The following FAM107B variants were observed in gnomAD, a reference collection of about 807,000 sequenced individuals.
FAM107B encodes the protein protein FAM107B.
FAM107B carries 21 observed loss-of-function variants against 31.5 expected under a neutral mutation model. The ratio of observed to expected loss-of-function variants is 0.67; its 90% CI spans 0.47 to 0.96. FAM107B has a LOEUF of 0.96. Ranked by LOEUF, FAM107B falls within the 40% of genes least tolerant of loss-of-function variation. The pLI is 0.00. For synonymous variants in FAM107B, 157 were observed against 141.5 expected (o/e 1.11, Z -0.78); for missense variants, 452 against 377.1 (o/e 1.20, Z -1.64).
intron 1 of FAM107B, among the ~76,000 whole-genome samples, chr10:14,722,674 T>A (rs1362754067): frequency 6.6e-6 from 1 of 152,216 alleles, no homozygotes. Flanking sequence ...GATCTTTTTA[T>A]TGTTAAGTTG....
At chr10:14,771,617 CAAATAA>C (rs916712435) in intron 1 of FAM107B, among the ~76,000 whole-genome samples, 10 of 151,318 alleles carry the variant, frequency 6.6e-5, no homozygotes, top group African/African-American at 2.5e-4. Flanking sequence ...AAAATAACAA[CAAATAA>C]AAATAAATTA....
At chr10:14,767,053 T>TATATATATAGAGAGAG (rs1833187253) in intron 1 of FAM107B, among the ~76,000 whole-genome samples, 1 of 26,406 alleles carries the variant, frequency 3.8e-5, no homozygotes, top group African/African-American at 1.3e-4. Flanking sequence ...TATATATATA[T>TATATATATAGAGAGAG]ATAGAGAGAG....
chr10:14,745,257 G>T (rs1832701555), intron 1 of FAM107B, among the ~76,000 whole-genome samples: 1 of 151,630 alleles, frequency 6.6e-6, no homozygotes. Flanking sequence ...ACCAACTCCT[G>T]GATTTGCTAA....
rs5783419 is a variant in FAM107B at position 14,752,931 on chromosome 10, CAA to C, written c.411+21320_411+21321del. On this transcript the variant is annotated intron_variant, in intron 1 of 4. Transcript: ENST00000181796. ...TGGGCAACAGAGCAAGACCCTGTCT[CAA>C]AAAAAAAAAAAATGACTCATAAAAG... Among the ~76,000 whole-genome samples, 213 of 142,726 alleles carry C rather than the reference CAA, an allele frequency of 1.5e-3. 4 individuals carry two copies. In the East Asian group the frequency reaches 0.029, roughly 19 times the overall value. The allele number at this position is 142,726 out of a possible 152,430, so 93.6% of individuals were successfully genotyped here. A position where few individuals can be genotyped will look rare whatever the true frequency, so the allele number is the denominator to read the frequency against.
chr10:14,680,857 A>G (rs4750549), intron 1 of FAM107B, among the ~76,000 whole-genome samples: 119,791 of 152,060 alleles, frequency 0.79, 47,252 homozygotes, highest in South Asian at 0.87. Context: ...GCCCAATCCC[A>G]CCCATTTCTC....
intron 2 of FAM107B, among the ~76,000 whole-genome samples, chr10:14,642,075 A>C (rs1374261138): frequency 6.6e-6 from 1 of 152,236 alleles, no homozygotes; most frequent in East Asian, 1.9e-4. Flanking sequence ...GGACAGGCAT[A>C]AGATAAATGT....
intron 2 of FAM107B, among the ~76,000 whole-genome samples, chr10:14,591,757 TACCA>T (rs1265448456): frequency 6.6e-6 from 1 of 152,176 alleles, no homozygotes; most frequent in East Asian, 1.9e-4. Flanking sequence ...AGCCAGATGA[TACCA>T]ACAAATTAAT....
At chr10:14,560,342 T>C (rs1257217146) in intron 2 of FAM107B, among the ~76,000 whole-genome samples, 2 of 152,150 alleles carry the variant, frequency 1.3e-5, no homozygotes, top group African/African-American at 4.8e-5. Context: ...TAAACCAAGA[T>C]ACATAACATA....
intron 2 of FAM107B, among the ~76,000 whole-genome samples, chr10:14,627,939 A>G (rs1055766725): frequency 1.2e-4 from 19 of 152,202 alleles, no homozygotes; most frequent in African/African-American, 4.6e-4. Context: ...TACGAAGGGT[A>G]GGCGTGAATT....
intron 2 of FAM107B, 125 bp downstream of exon 2, chr10:14,667,509 A>T: frequency 1.1e-6 from 1 of 913,702 alleles, no homozygotes; most frequent in East Asian, 2.5e-5. Context: ...TGACATTTCT[A>T]GTCATGTTTC....
At chr10:14,525,153 T>G (rs1432281330) in intron 3 of FAM107B, among the ~76,000 whole-genome samples, 1 of 152,230 alleles carries the variant, frequency 6.6e-6, no homozygotes, top group African/African-American at 2.4e-5. Flanking sequence ...GGAACAGAGA[T>G]AGTGTCGACA....
At chr10:14,577,036 T>TA (rs1851486966) in intron 2 of FAM107B, among the ~76,000 whole-genome samples, 1 of 152,342 alleles carries the variant, frequency 6.6e-6, no homozygotes, top group African/African-American at 2.4e-5. Context: ...AATGTATGCT[T>TA]ACAAAGAAGT....
At chr10:14,582,491 C>T (rs1851670189) in intron 2 of FAM107B, among the ~76,000 whole-genome samples, 1 of 150,148 alleles carries the variant, frequency 6.7e-6, no homozygotes, top group Non-Finnish European at 1.5e-5. Flanking sequence ...ATTCTCCTGC[C>T]TCAGCCTCCC....
At chr10:14,723,902 T>A in intron 1 of FAM107B, 3 of 753,204 alleles carry the variant, frequency 4.0e-6, no homozygotes, top group South Asian at 2.7e-5. Context: ...CAGGTCCTCT[T>A]CAGATTTATG....
At position 14,706,240 on chromosome 10, in the gene FAM107B, A is replaced by T. The variant is rs563921249; in HGVS notation, c.412-38549T>A. Among the ~76,000 whole-genome samples the T allele has an allele frequency of 4.5e-4, 69 of 152,110 alleles. No homozygotes were observed. In the South Asian group the frequency reaches 0.013, roughly 30 times the overall value. On this transcript the variant is annotated intron_variant, in intron 1 of 4. Transcript: ENST00000181796. ...ATTTTATTTTAAGAGACAGGGTCTC[A>T]CTCTGTCACCCAGGTGGGAGTACCG...
At chr10:14,690,050 G>A (rs3107795) in intron 1 of FAM107B, among the ~76,000 whole-genome samples, 68,781 of 146,200 alleles carry the variant, frequency 0.47, 16,924 homozygotes, top group Admixed American at 0.57. Flanking sequence ...AGGGAGGGAG[G>A]GAGACACCTG....
At position 14,558,254 on chromosome 10, in the gene FAM107B, C is replaced by T. The variant is rs1291708404; in HGVS notation, c.470-27739G>A. On this transcript the variant is annotated intron_variant, in intron 2 of 4. Transcript: ENST00000181796. ...GCATGCGCACACTCACATACGTGCA[C>T]GCGCACAGTCACACATACGTGCACG... Among the ~76,000 whole-genome samples, 3 of 152,258 alleles carry T rather than the reference C, an allele frequency of 2.0e-5. No individual in the cohort carries two copies. The East Asian group carries it at 5.8e-4, about 29-fold the overall frequency.
chr10:14,533,033 G>A lies in FAM107B; in HGVS notation c.470-2518C>T, dbSNP rs186012247. On this transcript the variant is annotated intron_variant, in intron 2 of 4. Transcript: ENST00000181796. ...GGGAGGGATGGTGAGGATATAGAGC[G>A]TGGGAACTTGAACACCAGTGCTGGC... Among the ~76,000 whole-genome samples the A allele has an allele frequency of 2.0e-3, 309 of 152,256 alleles. 3 individuals are homozygous for A. The highest frequency in any genetic ancestry group is 9.5e-3 in the East Asian group (49 of 5,168).
intron 2 of FAM107B, among the ~76,000 whole-genome samples, chr10:14,556,754 A>T (rs1849739190): frequency 6.6e-6 from 1 of 152,234 alleles, no homozygotes. Flanking sequence ...TTCGTTATTG[A>T]ATAGAAAAAG....
Sources: gnomAD v4.1 joint callset for allele counts (sites outside exome capture counted in the v4.1 genomes callset) on GRCh38, gnomAD v4.1.1 for gene constraint, MANE v1.5 for transcripts, NCBI Gene and HGNC (gene_info 2026-07-23, HGNC 2026-07-21) for gene names.